The following PUS7 variants were observed in gnomAD, a reference collection of about 807,000 sequenced individuals.
PUS7 encodes the protein pseudouridine synthase 7, also known as pseudouridylate synthase 7 homolog.
Under a neutral mutation model 79.8 loss-of-function variants are expected in PUS7, and 48 were observed. The ratio of observed to expected loss-of-function variants is 0.60; its 90% CI spans 0.48 to 0.76. The LOEUF is 0.76. Ranked by LOEUF, PUS7 falls within the 30% of genes least tolerant of loss-of-function variation. The probability of loss-of-function intolerance (pLI) is 0.00; values close to 1 mark genes in which losing one functional copy is unlikely to be tolerated. For missense variants in PUS7, 729 were observed against 797.6 expected, an observed-to-expected ratio of 0.91 and a Z score of 1.04; for synonymous variants, 286 against 272.2, an observed-to-expected ratio of 1.05 and a Z score of -0.50.
At chr7:105,507,807 G>A (rs1825532325) in intron 2 of PUS7, among the ~76,000 whole-genome samples, 2 of 152,174 alleles carry the variant, frequency 1.3e-5, no homozygotes, top group Admixed American at 1.3e-4. Flanking sequence ...CTCCCAAAGT[G>A]CTGGGATAAC....
At chr7:105,506,661 G>T (rs1459800238) in intron 2 of PUS7, among the ~76,000 whole-genome samples, 1 of 152,224 alleles carries the variant, frequency 6.6e-6, no homozygotes, top group East Asian at 1.9e-4. Context: ...GACCTCAAGT[G>T]ATCTGCCCAT....
At chr7:105,496,302 G>GT (rs1210891595) in intron 5 of PUS7, among the ~76,000 whole-genome samples, 5 of 143,896 alleles carry the variant, frequency 3.5e-5, no homozygotes, top group Admixed American at 7.0e-5. Context: ...TGCTCAAAAT[G>GT]TTTTTTTTTA....
intron 9 of PUS7, among the ~76,000 whole-genome samples, chr7:105,477,357 C>T (rs1378147538): frequency 2.0e-5 from 3 of 152,090 alleles, no homozygotes; most frequent in Non-Finnish European, 4.4e-5. Context: ...AAGCAATTCT[C>T]CTGCCTCAGC....
chr7:105,470,501 C>A (rs7796208), intron 11 of PUS7, 187 bp downstream of exon 11: 2 of 494,904 alleles, frequency 4.0e-6, no homozygotes, highest in Non-Finnish European at 6.7e-6. Flanking sequence ...AAGTAATGCC[C>A]GCATCCACCC....
chr7:105,463,837 A>G (rs1436012329), intron 13 of PUS7, among the ~76,000 whole-genome samples: 1 of 152,252 alleles, frequency 6.6e-6, no homozygotes, highest in East Asian at 1.9e-4. Context: ...TAATACTGCA[A>G]TAGAATATTA....
At chr7:105,508,023 T>C (rs1825541219) in intron 2 of PUS7, 92 bp downstream of exon 2, 2 of 1,424,964 alleles carry the variant, frequency 1.4e-6, no homozygotes, top group East Asian at 2.5e-5. Context: ...GCCTTGGAGA[T>C]GGAAAGCTAA....
chr7:105,482,678 T>C (rs1421946879), intron 7 of PUS7, among the ~76,000 whole-genome samples: 2 of 152,126 alleles, frequency 1.3e-5, no homozygotes, highest in East Asian at 1.9e-4. Flanking sequence ...ATATTTTATA[T>C]ACTTAAAGCC....
At chr7:105,515,103 T>C (rs1041820941) in intron 1 of PUS7, among the ~76,000 whole-genome samples, 1 of 152,138 alleles carries the variant, frequency 6.6e-6, no homozygotes, top group Non-Finnish European at 1.5e-5. Context: ...CTACAATGAC[T>C]AAAAATTCTT....
chr7:105,511,071 G>A (rs1413732046), intron 1 of PUS7, among the ~76,000 whole-genome samples: 2 of 151,514 alleles, frequency 1.3e-5, no homozygotes, highest in African/African-American at 2.4e-5. Flanking sequence ...TCGCTCTGTC[G>A]CCCAGGCTGG....
At chr7:105,469,616 C>A (rs891332603) in intron 11 of PUS7, among the ~76,000 whole-genome samples, 6 of 152,158 alleles carry the variant, frequency 3.9e-5, no homozygotes, top group African/African-American at 1.4e-4. Flanking sequence ...TCTGCCACCA[C>A]GCCTGGCTAT....
At chr7:105,471,146 T>C (rs1823858265) in intron 10 of PUS7, among the ~76,000 whole-genome samples, 1 of 152,250 alleles carries the variant, frequency 6.6e-6, no homozygotes, top group South Asian at 2.1e-4. Context: ...CTTCTCTCTT[T>C]TTCCATTGTA....
intron 13 of PUS7, among the ~76,000 whole-genome samples, chr7:105,464,949 G>A (rs191649645): frequency 6.6e-6 from 1 of 151,112 alleles, no homozygotes; most frequent in East Asian, 2.0e-4. Flanking sequence ...CTCCCAAGTA[G>A]CTGGAACCAC....
rs372938303 is a variant in PUS7 at position 105,509,793 on chromosome 7, T to C, written c.-32-1249A>G. On this transcript the variant is annotated intron_variant, in intron 1 of 15. Coordinates refer to ENST00000469408, the MANE Select transcript of PUS7 (RefSeq NM_019042.5). ...CCTGCCTGGCCACAGTGCTTTTATA[T>C]TAGCAAAACATTAACAGCAATGAAA... is the stretch of plus-strand genomic sequence containing the variant. Among the ~76,000 whole-genome samples the C allele has an allele frequency of 2.4e-4, 36 of 152,238 alleles. 2 individuals are homozygous for C. Among genetic ancestry groups the C allele is most frequent in the Admixed American group, 1.4e-3 (22 of 15,274 alleles).
chr7:105,482,505 T>C (rs982685307), intron 7 of PUS7, 65 bp from the exon 8 acceptor site: 24 of 1,494,928 alleles, frequency 1.6e-5, no homozygotes, highest in Admixed American at 1.5e-4. Flanking sequence ...GAGATACTGA[T>C]TGTCTGCTTG....
At chr7:105,460,407 T>C (rs368113439) in intron 14 of PUS7, among the ~76,000 whole-genome samples, 2 of 152,288 alleles carry the variant, frequency 1.3e-5, no homozygotes, top group East Asian at 3.9e-4. Context: ...TCCAACCATG[T>C]GGACCTCTTG....
chr7:105,469,600 C>G (rs567953186), intron 11 of PUS7, among the ~76,000 whole-genome samples: 5 of 152,318 alleles, frequency 3.3e-5, no homozygotes, highest in African/African-American at 1.2e-4. Context: ...GCTGGGATTA[C>G]AGGCGTCTGC....
At chr7:105,501,689 C>A (rs1825254639) in intron 5 of PUS7, among the ~76,000 whole-genome samples, 1 of 152,050 alleles carries the variant, frequency 6.6e-6, no homozygotes, top group Admixed American at 6.5e-5. Flanking sequence ...GGCGCACTGG[C>A]TCACACCTGT....
intron 9 of PUS7, among the ~76,000 whole-genome samples, chr7:105,480,574 C>T (rs918283704): frequency 6.6e-5 from 10 of 152,068 alleles, no homozygotes; most frequent in African/African-American, 1.9e-4. Context: ...GTTGGGAGTT[C>T]GAGACCAGCC....
At position 105,466,533 on chromosome 7, in the gene PUS7, G is replaced by A. The variant is rs188832584; in HGVS notation, c.1526-1119C>T. On this transcript the variant is annotated intron_variant, in intron 12 of 15. Transcript: ENST00000469408. ...CTCCCAAAGTACTGGGATTACGGGT[G>A]TGAGCTACTGCACCAAATCTGAAGT... is the stretch of plus-strand genomic sequence containing the variant. Among the ~76,000 whole-genome samples, 90 of 152,194 alleles carry A rather than the reference G, an allele frequency of 5.9e-4. 2 individuals are homozygous for A. The highest frequency in any genetic ancestry group is 4.3e-3 in the Admixed American group (66 of 15,276).
Sources: gnomAD v4.1 joint callset for allele counts (sites outside exome capture counted in the v4.1 genomes callset) on GRCh38, gnomAD v4.1.1 for gene constraint, MANE v1.5 for transcripts, NCBI Gene and HGNC (gene_info 2026-07-23, HGNC 2026-07-21) for gene names.